Variants in ANO3 observed in about 807,000 individuals in gnomAD.
ANO3 encodes anoctamin-3.
In ANO3, 99 loss-of-function variants were observed where a neutral mutation model predicts 144.8. That is an observed-to-expected ratio of 0.68 (90% confidence interval 0.58 to 0.81). The LOEUF is 0.81. Among genes scored for constraint, ANO3 ranks in the 30% least tolerant of loss-of-function variants. ANO3 has a pLI of 0.00. For synonymous variants in ANO3, 414 were observed against 392.6 expected (o/e 1.05, Z -0.64); for missense variants, 905 against 1,202.2 (o/e 0.75, Z 3.66).
At chr11:26,477,694 T>C (rs943528828) in intron 4 of ANO3, among the ~76,000 whole-genome samples, 3 of 152,154 alleles carry the variant, frequency 2.0e-5, no homozygotes, top group Admixed American at 6.6e-5. Flanking sequence ...AGGATAAACT[T>C]GTCAAATAAG....
intron 1 of ANO3, among the ~76,000 whole-genome samples, chr11:26,251,624 A>C (rs997086005): frequency 1.3e-5 from 2 of 152,234 alleles, no homozygotes; most frequent in South Asian, 4.1e-4. Flanking sequence ...TCACACTGCT[A>C]TAACGAAATA....
intron 6 of ANO3, among the ~76,000 whole-genome samples, chr11:26,520,736 A>G (rs182697166): frequency 4.6e-5 from 7 of 152,258 alleles, no homozygotes; most frequent in Non-Finnish European, 1.0e-4. Flanking sequence ...AAGTAATAAA[A>G]ATGAAGATTT....
chr11:26,386,797 A>G (rs964880210), intron 1 of ANO3, among the ~76,000 whole-genome samples: 2 of 152,206 alleles, frequency 1.3e-5, no homozygotes, highest in Non-Finnish European at 2.9e-5. Context: ...ATTCCTGGAT[A>G]GTATCCTGAC....
intron 17 of ANO3, among the ~76,000 whole-genome samples, chr11:26,603,509 C>A (rs529429261): frequency 8.6e-5 from 13 of 151,844 alleles, no homozygotes; most frequent in Non-Finnish European, 1.2e-4. Context: ...AAAAAAGAGA[C>A]CCCTTAAATA....
At chr11:26,381,121 G>A (rs1000984061) in intron 1 of ANO3, among the ~76,000 whole-genome samples, 1 of 152,080 alleles carries the variant, frequency 6.6e-6, no homozygotes, top group African/African-American at 2.4e-5. Flanking sequence ...TGAGATTATT[G>A]TGAAAACCAA....
chr11:26,274,860 T>C (rs946471233), intron 1 of ANO3, among the ~76,000 whole-genome samples: 1 of 151,990 alleles, frequency 6.6e-6, no homozygotes, highest in African/African-American at 2.4e-5. Context: ...TTTATCTGTA[T>C]GGATATGAAA....
intron 14 of ANO3, among the ~76,000 whole-genome samples, chr11:26,564,165 T>C (rs973741709): frequency 6.6e-6 from 1 of 151,804 alleles, no homozygotes; most frequent in Non-Finnish European, 1.5e-5. Flanking sequence ...CTCAGTATTC[T>C]CAATATGTAT....
At chr11:26,632,837 A>T (rs1208078843) in intron 18 of ANO3, among the ~76,000 whole-genome samples, 2 of 152,198 alleles carry the variant, frequency 1.3e-5, no homozygotes, top group Non-Finnish European at 2.9e-5. Context: ...AATAAAAAGT[A>T]CCTAAAAATC....
At chr11:26,587,685 G>A (rs545492336) in intron 14 of ANO3, among the ~76,000 whole-genome samples, 11 of 152,192 alleles carry the variant, frequency 7.2e-5, no homozygotes, top group African/African-American at 2.2e-4. Context: ...GGCCAGGTGC[G>A]GTGGCTCACA....
intron 1 of ANO3, among the ~76,000 whole-genome samples, chr11:26,439,252 C>A (rs1379884021): frequency 1.3e-5 from 2 of 152,076 alleles, no homozygotes; most frequent in Non-Finnish European, 2.9e-5. Flanking sequence ...TCTTCATGAC[C>A]TTGAATTAGA....
intron 26 of ANO3, among the ~76,000 whole-genome samples, chr11:26,658,603 T>G (rs1853773033): frequency 6.6e-6 from 1 of 151,840 alleles, no homozygotes; most frequent in Non-Finnish European, 1.5e-5. Flanking sequence ...AGAGTGAAAC[T>G]CCGTCCAAAA....
rs571417464 is a variant in ANO3, at chr11:26,273,372, T to C, written c.155-36273T>C. ...TCTGGATCAGGGGATCATAAGGACCTTTAAGGCTCATTACACATGTAATTT... is the reference window on the plus strand; with the variant it reads ...TCTGGATCAGGGGATCATAAGGACCCTTAAGGCTCATTACACATGTAATTT... On this transcript the variant is annotated intron_variant, in intron 1 of 27. Transcript: ENST00000672621. Among the ~76,000 whole-genome samples the C allele has an allele frequency of 2.1e-4, 32 of 151,996 alleles. No individual in the cohort carries two copies. In the South Asian group the frequency reaches 6.5e-3, roughly 31 times the overall value.
intron 4 of ANO3, among the ~76,000 whole-genome samples, chr11:26,504,419 G>C (rs958462978): frequency 6.6e-6 from 1 of 151,994 alleles, no homozygotes; most frequent in Non-Finnish European, 1.5e-5. Context: ...CTGTGGACTA[G>C]ATGTTTAAAA....
chr11:26,448,728 T>G (rs569646396), intron 3 of ANO3, among the ~76,000 whole-genome samples: 20 of 79,314 alleles, frequency 2.5e-4, no homozygotes, highest in African/African-American at 8.2e-4. Flanking sequence ...AGGAACATAT[T>G]TTTCAGTTAT....
chr11:26,402,526 T>C (rs1857173977), intron 1 of ANO3, among the ~76,000 whole-genome samples: 1 of 152,006 alleles, frequency 6.6e-6, no homozygotes, highest in South Asian at 2.1e-4. Context: ...TACTGGATGT[T>C]AGACTTTTGT....
At chr11:26,214,257 A>T (rs944675692) in intron 1 of ANO3, among the ~76,000 whole-genome samples, 13 of 150,572 alleles carry the variant, frequency 8.6e-5, no homozygotes, top group South Asian at 4.2e-4. Flanking sequence ...TAATAAAATA[A>T]TTTTTTTTTT....
intron 14 of ANO3, among the ~76,000 whole-genome samples, chr11:26,596,446 T>C (rs532134572): frequency 2.6e-5 from 4 of 152,268 alleles, no homozygotes; most frequent in African/African-American, 9.6e-5. Flanking sequence ...AGTACTGGGT[T>C]ATCAATTCTA....
chr11:26,287,576 T>A (rs1035612640), intron 1 of ANO3: 5 of 152,128 alleles, frequency 3.3e-5, no homozygotes, highest in African/African-American at 1.2e-4. Flanking sequence ...CAAAAATATA[T>A]GATAAGTACT....
chr11:26,590,811 A>G (rs1400570571), intron 14 of ANO3, among the ~76,000 whole-genome samples: 2 of 152,154 alleles, frequency 1.3e-5, no homozygotes, highest in Non-Finnish European at 1.5e-5. Context: ...CGGGTCTGCA[A>G]ATGGCAGTGG....
Sources: gnomAD v4.1 joint callset for allele counts (sites outside exome capture counted in the v4.1 genomes callset) on GRCh38, gnomAD v4.1.1 for gene constraint, MANE v1.5 for transcripts, NCBI Gene and HGNC (gene_info 2026-07-23, HGNC 2026-07-21) for gene names.